The following TRPM4 variants were observed in gnomAD, a reference collection of about 807,000 sequenced individuals.
TRPM4 encodes transient receptor potential cation channel subfamily M member 4.
A neutral mutation model predicts 135.6 loss-of-function variants in TRPM4; 124 were observed. That is an observed-to-expected ratio of 0.91 (90% CI 0.79 to 1.06). The LOEUF is 1.06. Ranked by LOEUF, TRPM4 falls within the 50% of genes least tolerant of loss-of-function variation. The pLI is 0.00. For synonymous variants in TRPM4, 745 were observed against 705.6 expected, an observed-to-expected ratio of 1.06 and a Z score of -0.88; for missense variants, 1,658 against 1,671.4, an observed-to-expected ratio of 0.99 and a Z score of 0.14.
At chr19:49,168,527 C>T (rs1967323207) in intron 5 of TRPM4, 26 bp from the exon 6 acceptor site, 1 of 1,613,686 alleles carries the variant, frequency 6.2e-7, no homozygotes, top group African/African-American at 1.3e-5. Flanking sequence ...TGAGGAGACG[C>T]CCTGGTCTGG....
Position 49,211,437 on chromosome 19 carries a change from T to C in TRPM4, c.3641-57T>C. On this transcript the variant is annotated intron_variant, in intron 24 of 24. Coordinates refer to ENST00000252826, the MANE Select transcript of TRPM4 (RefSeq NM_017636.4). This position sits in a 1 kb window ranked among gnomAD's most constrained non-coding sequence, Gnocchi z 4.8. ...TTCTTTTTTGCCAGTCTCCCAGTTT[T>C]TCTGTCTCTCCCCTTCCCTGCCAAT... The C allele has an allele frequency of 6.2e-7, 1 of 1,613,216 alleles. No individual in the cohort carries two copies. Among genetic ancestry groups the C allele is most frequent in the Admixed American group, 1.7e-5 (1 of 60,030 alleles).
Position 49,190,339 on chromosome 19 carries a change from G to A in TRPM4, c.2132+19G>A. The A allele has an allele frequency of 6.2e-7, 1 of 1,607,134 alleles. No homozygotes were observed. The highest frequency in any genetic ancestry group is 8.5e-7 in the Non-Finnish European group (1 of 1,173,820). ...CCTTCAGGTCAGTACCCTGGGGTGA[G>A]AGTGGTGGGGATGGGGGCGGGGTGC... is the stretch of plus-strand genomic sequence containing the variant. On this transcript the variant is annotated intron_variant, in intron 15 of 24. Coordinates refer to ENST00000252826, the MANE Select transcript of TRPM4 (RefSeq NM_017636.4).
chr19:49,181,320 C>T (rs1289652572), intron 9 of TRPM4, 29 bp from the exon 10 acceptor site: 4 of 1,549,088 alleles, frequency 2.6e-6, no homozygotes, highest in Non-Finnish European at 3.6e-6. Context: ...CCCCTGACTT[C>T]TTGTCCCCTC....
At chr19:49,200,537 G>C in intron 18 of TRPM4, 74 bp from the exon 19 acceptor site, 3 of 1,596,804 alleles carry the variant, frequency 1.9e-6, no homozygotes, top group Non-Finnish European at 2.6e-6. Flanking sequence ...GAGCAATGGG[G>C]CGTGTTTTTG....
At chr19:49,185,452 G>A (rs1165558999) in intron 12 of TRPM4, among the ~76,000 whole-genome samples, 2 of 152,058 alleles carry the variant, frequency 1.3e-5, no homozygotes, top group African/African-American at 4.8e-5. Context: ...TGTTGCCCAG[G>A]TTGGTCTTGA....
At chr19:49,184,875 A>G (rs1968138836) in intron 12 of TRPM4, among the ~76,000 whole-genome samples, 1 of 151,970 alleles carries the variant, frequency 6.6e-6, no homozygotes, top group Non-Finnish European at 1.5e-5. Flanking sequence ...GCAGAAAAAA[A>G]AGCAGCCACT....
At chr19:49,202,232 T>C (rs1968965302) in intron 20 of TRPM4, 91 bp downstream of exon 20, 1 of 1,454,608 alleles carries the variant, frequency 6.9e-7, no homozygotes, top group African/African-American at 1.4e-5. Flanking sequence ...AATTCTGTTT[T>C]TAGTCCCTGA....
chr19:49,181,365 G>C lies in TRPM4; in HGVS notation c.1167G>C (p.Glu389Asp). The change falls in exon 10 of 25, where the codon GAG becomes GAC. Residue 389 changes from glutamate (E) to aspartate (D), a missense_variant. Physicochemically the swap from Glu to Asp is conservative, Grantham distance 45. Around this residue, in one of 3 missense-constraint regions of TRPM4, gnomAD observed 1,412 missense variants for 1,408.7 expected, o/e 1.00. Coordinates refer to ENST00000252826, the MANE Select transcript of TRPM4 (RefSeq NM_017636.4). ...KALVKACGSS[E>D]ASAYLDELRL... Reference sequence around the variant, plus strand: ...TCCTTCCAGCCTGTGGGAGCTCGGAGGCCTCAGCCTACCTGGATGAGCTGC... The same window carrying C: ...TCCTTCCAGCCTGTGGGAGCTCGGACGCCTCAGCCTACCTGGATGAGCTGC... 6.2e-7 allele frequency: 1 copy of C among 1,613,684 alleles called. No homozygotes were observed. Among genetic ancestry groups the C allele is most frequent in the Non-Finnish European group, 8.5e-7 (1 of 1,179,798 alleles).
At chr19:49,204,794 T>C (rs999653979) in intron 20 of TRPM4, among the ~76,000 whole-genome samples, 2 of 151,532 alleles carry the variant, frequency 1.3e-5, no homozygotes, top group Admixed American at 6.6e-5. Context: ...CTCCTGACCT[T>C]GTGATCCACC....
chr19:49,205,551 T>C (rs1019539205), intron 20 of TRPM4, among the ~76,000 whole-genome samples: 2 of 146,284 alleles, frequency 1.4e-5, no homozygotes, highest in Admixed American at 1.4e-4. Context: ...TTTTTTTTTT[T>C]TGGAGACAGA....
In TRPM4 at chr19:49,195,869, TTTATTA is replaced by T. The variant is rs746763684; in HGVS notation, c.2211-553_2211-548del. Among the ~76,000 whole-genome samples, 100 of 148,822 alleles carry T rather than the reference TTTATTA, an allele frequency of 6.7e-4. 2 individuals carry two copies. The highest frequency in any genetic ancestry group is 2.3e-3 in the African/African-American group (93 of 40,316). ...TGGCTAAATTTTTATTTTTATTTAT[TTTATTA>T]TTATTATTATTATTATTTTTGAGAC... On this transcript the variant is annotated intron_variant, in intron 16 of 24. Coordinates refer to ENST00000252826, the MANE Select transcript of TRPM4 (RefSeq NM_017636.4).
At chr19:49,158,161 C>T in intron 1 of TRPM4, 31 bp from the exon 2 acceptor site, 1 of 1,606,184 alleles carries the variant, frequency 6.2e-7, no homozygotes, top group African/African-American at 1.3e-5. Context: ...TCTCACCCCA[C>T]TTCCACCCCT....
chr19:49,200,190 T>C lies in TRPM4; in HGVS notation c.2646-110T>C, dbSNP rs1405487703. 4.5e-6 allele frequency: 7 copies of C among 1,552,296 alleles called. No individual in the cohort carries two copies. The African/African-American group carries it at 8.2e-5, about 18-fold the overall frequency. ...CCCCGGGTGACTGGGAGGGTCCTGG[T>C]CCTGCCCGGTGGAGGCTGCAGCTTC... On this transcript the variant is annotated intron_variant, in intron 17 of 24. Coordinates refer to ENST00000252826, the MANE Select transcript of TRPM4 (RefSeq NM_017636.4).
intron 17 of TRPM4, 119 bp from the exon 18 acceptor site, chr19:49,200,181 G>C: frequency 6.7e-7 from 1 of 1,486,886 alleles, no homozygotes; most frequent in East Asian, 2.3e-5. Context: ...GTGACTGGGA[G>C]GGTCCTGGTC....
intron 19 of TRPM4, 47 bp downstream of exon 19, chr19:49,200,832 C>G (rs200647106): frequency 1.3e-6 from 2 of 1,598,418 alleles, no homozygotes; most frequent in South Asian, 1.1e-5. Context: ...TCTCTGTCCC[C>G]GCTCCCTGGG....
At chr19:49,166,910 CTGTT>C (rs1967212198) in intron 3 of TRPM4, among the ~76,000 whole-genome samples, 2 of 149,406 alleles carry the variant, frequency 1.3e-5, no homozygotes, top group African/African-American at 4.9e-5. Flanking sequence ...GGGTCTCTGT[CTGTT>C]TCTCCGGGTC....
Position 49,210,720 on chromosome 19 carries a change from T to G in TRPM4, c.3339T>G (p.Leu1113=), listed in dbSNP as rs755808996. 8.7e-6 allele frequency: 14 copies of G among 1,614,106 alleles called. No homozygotes were observed. The highest frequency in any genetic ancestry group is 1.2e-5 in the Non-Finnish European group (14 of 1,180,026). The change falls in exon 22 of 25, where the codon CTT becomes CTG. Residue 1113 remains leucine, a synonymous_variant. Coordinates refer to ENST00000252826, the MANE Select transcript of TRPM4 (RefSeq NM_017636.4). The surrounding 1 kb of genome is among the most constrained non-coding windows in gnomAD (Gnocchi z 4.1). ...SPALEHFRVY[L]SKEAERKLLT... is the part of the protein sequence containing the mutation. ...CGCCCGCCCCTGCAGGGGTTTACCT[T>G]TCTAAGGAAGCCGAGCGGAAGCTGC...
At chr19:49,173,987 A>G (rs962110594) in intron 9 of TRPM4, among the ~76,000 whole-genome samples, 2 of 151,880 alleles carry the variant, frequency 1.3e-5, no homozygotes, top group Non-Finnish European at 2.9e-5. Context: ...TTAGTCAACA[A>G]ATACAATCCT....
Position 49,182,714 on chromosome 19 carries a change from C to T in TRPM4, c.1400C>T (p.Ala467Val). Residue 467 changes from alanine to valine, a missense_variant, in exon 11 of 25, where the codon GCG (alanine) becomes GTG (valine). Ala to Val is a moderately conservative substitution (Grantham distance 64, BLOSUM62 0). This residue lies in a region of TRPM4 where 1,412 missense variants were observed against 1,408.7 expected (regional missense o/e 1.00). Transcript: ENST00000252826. ...PMRLAQLYSAAPSNSLIRNLL... is the reference protein window; with the variant it reads ...PMRLAQLYSAVPSNSLIRNLL... Reference sequence around the variant, plus strand: ...CGCCTGGCCCAACTCTACAGCGCGGCGCCCTCCAACTCGCTCATCCGCAAC... The same window carrying T: ...CGCCTGGCCCAACTCTACAGCGCGGTGCCCTCCAACTCGCTCATCCGCAAC... 1 of 1,614,108 alleles carries T rather than the reference C, an allele frequency of 6.2e-7. No individual in the cohort carries two copies. Among genetic ancestry groups the T allele is most frequent in the Non-Finnish European group, 8.5e-7 (1 of 1,179,980 alleles).
Sources: allele counts gnomAD v4.1 joint callset (sites outside exome capture counted in the v4.1 genomes callset), GRCh38; gene constraint gnomAD v4.1.1; regional missense constraint gnomAD v4.1.1; non-coding constraint Gnocchi (gnomAD v3.1); transcripts MANE v1.5; gene names NCBI Gene and HGNC (gene_info 2026-07-23, HGNC 2026-07-21).